USP8: variants seen among roughly 807,000 people sequenced by gnomAD.
USP8 encodes ubiquitin carboxyl-terminal hydrolase 8.
Under a neutral mutation model 130.0 loss-of-function variants are expected in USP8, and 27 were observed. The ratio of observed to expected loss-of-function variants is 0.21; its 90% CI spans 0.15 to 0.29. The LOEUF is 0.29. Among genes scored for constraint, USP8 ranks in the 10% least tolerant of loss-of-function variants. USP8 has a pLI of 1.00. For missense variants in USP8, 1,029 were observed against 1,312.2 expected, an observed-to-expected ratio of 0.78 and a Z score of 3.33; for synonymous variants, 392 against 444.1, an observed-to-expected ratio of 0.88 and a Z score of 1.48.
chr15:50,457,677 C>CTCT (rs2050835772), intron 4 of USP8, among the ~76,000 whole-genome samples: 1 of 149,608 alleles, frequency 6.7e-6, no homozygotes, highest in Admixed American at 6.6e-5. Context: ...AGCCTGGCCA[C>CTCT]ATGGTGAACC....
chr15:50,439,017 C>T lies in USP8; in HGVS notation c.-57C>T, dbSNP rs577481285. 23 of 1,203,152 alleles carry T rather than the reference C, an allele frequency of 1.9e-5. No homozygotes were observed. The African/African-American group carries it at 3.5e-4, about 18-fold the overall frequency. The allele number at this position is 1,203,152 out of a possible 1,614,324, so 74.5% of individuals were successfully genotyped here. A position where few individuals can be genotyped will look rare whatever the true frequency, so the allele number is the denominator to read the frequency against. The stretch of plus-strand genomic sequence containing the variant: ...ATTTGTATTTGTTTCAGGAAAGAAG[C>T]ACTTGTAAGGAAATATAGCATCCAT... On this transcript the variant is annotated 5_prime_UTR_variant, in exon 2 of 20. Transcript: ENST00000307179.
At position 50,503,816 on chromosome 15, in the gene USP8, A is replaced by G. The variant is rs1337483395; in HGVS notation, c.*4728A>G. The G allele has an allele frequency of 6.6e-6, 1 of 152,250 alleles. No homozygotes were observed. Among genetic ancestry groups the G allele is most frequent in the Non-Finnish European group, 1.5e-5 (1 of 68,044 alleles). 9.4% of individuals were successfully genotyped at this position (152,250 alleles called of 1,614,324 possible). Reference sequence around the variant, plus strand: ...ATATCCACATATGAAACCCCAATGAAGTTGAGATCACAATTCAAAATAATA... The same window carrying G: ...ATATCCACATATGAAACCCCAATGAGGTTGAGATCACAATTCAAAATAATA... On this transcript the variant is annotated 3_prime_UTR_variant, in exon 20 of 20. Transcript: ENST00000307179.
chr15:50,477,416 A>C lies in USP8; in HGVS notation c.1135A>C (p.Thr379Pro). Residue 379 changes from threonine (T) to proline (P), a missense_variant, in exon 10 of 20, where the codon ACT becomes CCT. Coordinates refer to ENST00000307179, the MANE Select transcript of USP8 (RefSeq NM_005154.5). ...GAGAATGGGACCACTGAATATATCA[A>C]CTCCAGTTGAACCAGTTGCTGCTTC... Reference protein sequence around the residue: ...NERMGPLNISTPVEPVAASKS... With the variant: ...NERMGPLNISPPVEPVAASKS... The C allele has an allele frequency of 6.2e-7, 1 of 1,613,924 alleles. No individual in the cohort carries two copies. The highest frequency in any genetic ancestry group is 2.2e-5 in the East Asian group (1 of 44,870).
chr15:50,439,087 C>T lies in USP8; in HGVS notation c.14C>T (p.Ala5Val). The change falls in exon 2 of 20, where the codon GCT (alanine) becomes GTT (valine). Residue 5 changes from alanine (A) to valine (V), a missense_variant. Coordinates refer to ENST00000307179, the MANE Select transcript of USP8 (RefSeq NM_005154.5). MPAV[A>V]SVPKELYLSS... ...AGATAATTCATCATGCCTGCTGTGG[C>T]TTCAGTTCCTAAAGAACTCTACCTC... 1 of 1,608,806 alleles carries T rather than the reference C, an allele frequency of 6.2e-7. No homozygotes were observed. The highest frequency in any genetic ancestry group is 8.5e-7 in the Non-Finnish European group (1 of 1,178,238).
At chr15:50,479,515 T>A (rs534992179) in intron 10 of USP8, among the ~76,000 whole-genome samples, 2 of 152,176 alleles carry the variant, frequency 1.3e-5, no homozygotes, top group South Asian at 4.1e-4. Flanking sequence ...AACTTGAGAG[T>A]AACATGATCA....
At chr15:50,438,550 A>T (rs760490574) in intron 1 of USP8, among the ~76,000 whole-genome samples, 1 of 152,228 alleles carries the variant, frequency 6.6e-6, no homozygotes, top group African/African-American at 2.4e-5. Flanking sequence ...GTGCCATTGC[A>T]CTACAGCCAG....
At chr15:50,435,411 T>C (rs995001999) in intron 1 of USP8, among the ~76,000 whole-genome samples, 43 of 152,352 alleles carry the variant, frequency 2.8e-4, no homozygotes, top group African/African-American at 1.0e-3. Context: ...AATCTTGAGA[T>C]GATTTAAAGT....
At chr15:50,445,820 G>A (rs2050420165) in intron 3 of USP8, among the ~76,000 whole-genome samples, 1 of 148,092 alleles carries the variant, frequency 6.8e-6, no homozygotes, top group African/African-American at 2.5e-5. Context: ...TTGCACCACT[G>A]CACTCCAGCC....
At chr15:50,463,282 G>A (rs1217096382) in intron 6 of USP8, 1 of 152,184 alleles carries the variant, frequency 6.6e-6, no homozygotes, top group Non-Finnish European at 1.5e-5. Flanking sequence ...TCCATAGGTG[G>A]CGTTGATGCT....
At chr15:50,495,017 TA>T (rs34381291) in intron 16 of USP8, among the ~76,000 whole-genome samples, 4,632 of 113,502 alleles carry the variant, frequency 0.041, 85 homozygotes, top group East Asian at 0.11. Context: ...AGACTCTTTC[TA>T]AAAAAAAAAA....
At chr15:50,463,826 C>T (rs1322992011) in intron 6 of USP8, among the ~76,000 whole-genome samples, 1 of 152,166 alleles carries the variant, frequency 6.6e-6, no homozygotes, top group Non-Finnish European at 1.5e-5. Flanking sequence ...TCTCAACTCT[C>T]TTGTAGTGCC....
At chr15:50,439,803 A>C (rs1326765442) in intron 2 of USP8, among the ~76,000 whole-genome samples, 2 of 103,862 alleles carry the variant, frequency 1.9e-5, no homozygotes, top group African/African-American at 6.2e-5. Flanking sequence ...TAATAATAAT[A>C]ATAATAATAA....
intron 15 of USP8, 108 bp from the exon 16 acceptor site, chr15:50,493,959 TGTA>T (rs767973829): frequency 1.7e-6 from 2 of 1,211,446 alleles, no homozygotes; most frequent in Non-Finnish European, 2.4e-6. Flanking sequence ...AGTAGTTTAA[TGTA>T]GTGCTACAGT....
rs1473798439 is a variant in USP8, at chr15:50,441,511, A to G, written c.249+18A>G. 2.2e-5 allele frequency: 34 copies of G among 1,538,236 alleles called. No individual in the cohort carries two copies. Among genetic ancestry groups the G allele is most frequent in the Non-Finnish European group, 2.8e-5 (32 of 1,151,266 alleles). ...AACAGCAGGTACCTTTTATTTTTGC[A>G]TTGTTATTTCCTAAGTTATTTTGCA... On this transcript the variant is annotated intron_variant, in intron 3 of 19. Transcript: ENST00000307179.
At chr15:50,425,303 C>G (rs1482689744) in intron 1 of USP8, among the ~76,000 whole-genome samples, 1 of 152,196 alleles carries the variant, frequency 6.6e-6, no homozygotes, top group Non-Finnish European at 1.5e-5. Context: ...GTTACCTTTT[C>G]TGAATCTGCA....
At chr15:50,460,503 T>G (rs1318977757) in intron 5 of USP8, among the ~76,000 whole-genome samples, 3 of 151,756 alleles carry the variant, frequency 2.0e-5, no homozygotes, top group African/African-American at 7.3e-5. Flanking sequence ...GAGATGGGGT[T>G]TCACCATATT....
Position 50,495,857 on chromosome 15 carries a change from C to T in USP8, c.2668C>T (p.Arg890Trp), listed in dbSNP as rs765632252. ...ATCATTTTATTTCCAGGCTGATAAT[C>T]GGAAGAGATATAAAGAAGAAAATAA... is the stretch of plus-strand genomic sequence containing the variant. ...LHEDLNKADN[R>W]KRYKEENNDH... The change falls in exon 17 of 20, where the codon CGG (arginine) becomes TGG (tryptophan). Residue 890 changes from arginine (R) to tryptophan (W), a missense_variant. Transcript: ENST00000307179. The T allele has an allele frequency of 2.9e-5, 46 of 1,610,534 alleles. No individual in the cohort carries two copies. Among genetic ancestry groups the T allele is most frequent in the Non-Finnish European group, 3.6e-5 (42 of 1,178,034 alleles).
intron 7 of USP8, among the ~76,000 whole-genome samples, chr15:50,465,983 G>A (rs866547685): frequency 6.6e-6 from 1 of 152,186 alleles, no homozygotes; most frequent in Non-Finnish European, 1.5e-5. Flanking sequence ...GTCCTGGCAC[G>A]AGTAAGGACT....
At chr15:50,435,267 G>A (rs938427711) in intron 1 of USP8, among the ~76,000 whole-genome samples, 4 of 152,076 alleles carry the variant, frequency 2.6e-5, no homozygotes, top group Non-Finnish European at 4.4e-5. Context: ...ACCAATGGCC[G>A]ATTGGGAATA....
Sources: gnomAD v4.1 joint callset for allele counts (sites outside exome capture counted in the v4.1 genomes callset) on GRCh38, gnomAD v4.1.1 for gene constraint, MANE v1.5 for transcripts, NCBI Gene and HGNC (gene_info 2026-07-23, HGNC 2026-07-21) for gene names.